Variants in CSMD1 observed in about 807,000 individuals in gnomAD.
The protein encoded by CSMD1 is CUB and Sushi multiple domains 1.
In CSMD1, 213 loss-of-function variants were observed where a neutral mutation model predicts 417.5. The observed-to-expected ratio is 0.51, with a 90% CI of 0.46 to 0.57. The LOEUF is 0.57. Among genes scored for constraint, CSMD1 ranks in the 20% least tolerant of loss-of-function variants. CSMD1 has a pLI of 0.00. For missense variants in CSMD1, 6,923 were observed against 4,529.7 expected (o/e 1.53, Z -15.17); for synonymous variants, 2,862 against 1,736.8 (o/e 1.65, Z -16.11).
intron 7 of CSMD1, among the ~76,000 whole-genome samples, chr8:3,636,341 C>A (rs1464190144): frequency 6.6e-6 from 1 of 152,150 alleles, no homozygotes; most frequent in Non-Finnish European, 1.5e-5. Flanking sequence ...CCACGCCTGG[C>A]TAATTTTTGG....
chr8:2,983,663 G>A (rs1483776327), intron 54 of CSMD1, among the ~76,000 whole-genome samples: 1 of 151,952 alleles, frequency 6.6e-6, no homozygotes, highest in Admixed American at 6.6e-5. Context: ...CCAAAGTAAA[G>A]CACTTCCCAG....
At chr8:3,767,333 C>A (rs144554772) in intron 5 of CSMD1, among the ~76,000 whole-genome samples, 1 of 152,230 alleles carries the variant, frequency 6.6e-6, no homozygotes, top group Non-Finnish European at 1.5e-5. Context: ...TGGAGTCATA[C>A]TGACCTGGGT....
intron 3 of CSMD1, among the ~76,000 whole-genome samples, chr8:4,326,822 G>A (rs1216039384): frequency 6.7e-6 from 1 of 148,320 alleles, no homozygotes; most frequent in Non-Finnish European, 1.5e-5. Context: ...TTGGCTTTGA[G>A]ATTCTTCTGA....
intron 2 of CSMD1, among the ~76,000 whole-genome samples, chr8:4,425,481 G>A (rs1357314738): frequency 6.6e-6 from 1 of 151,874 alleles, no homozygotes; most frequent in African/African-American, 2.4e-5. Flanking sequence ...CTAAATTTGT[G>A]ATTAAATGTT....
rs1298389031 is a variant in CSMD1, at chr8:3,359,213, G to C, written c.3243C>G (p.Thr1081=). 1.2e-6 allele frequency: 2 copies of C among 1,613,826 alleles called. No individual in the cohort carries two copies. The highest frequency in any genetic ancestry group is 2.2e-5 in the South Asian group (2 of 91,078). Residue 1081 remains threonine (T), a synonymous_variant, in exon 21 of 70, where the codon ACC becomes ACG. Transcript: ENST00000635120. ...CFLGYRLEGA[T]KLTCLGGGRR... ...GGCCCCCACCCAGGCAGGTAAGCTT[G>C]GTGGCACCTTCTAAACGATATCCCA...
At chr8:4,952,276 A>C (rs886888041) in intron 1 of CSMD1, among the ~76,000 whole-genome samples, 4 of 152,004 alleles carry the variant, frequency 2.6e-5, no homozygotes, top group African/African-American at 7.2e-5. Context: ...ATAGATAATA[A>C]AACGCAACAA....
chr8:4,751,085 G>A (rs1053854694), intron 1 of CSMD1, among the ~76,000 whole-genome samples: 6 of 152,030 alleles, frequency 3.9e-5, no homozygotes, highest in East Asian at 1.9e-4. Flanking sequence ...CATGTGCATC[G>A]TTAAAGAGAG....
intron 11 of CSMD1, 87 bp from the exon 12 acceptor site, chr8:3,468,911 C>A (rs886729718): frequency 2.6e-6 from 2 of 779,208 alleles, no homozygotes; most frequent in Non-Finnish European, 4.2e-6. Flanking sequence ...CTGCTTTAAA[C>A]AGCCAAACCC....
At chr8:4,180,787 G>C (rs1194848066) in intron 3 of CSMD1, among the ~76,000 whole-genome samples, 2 of 152,026 alleles carry the variant, frequency 1.3e-5, no homozygotes, top group African/African-American at 2.4e-5. Context: ...TCTAATATCT[G>C]TATGTCTTTG....
At chr8:4,067,908 C>G (rs1799336203) in intron 3 of CSMD1, among the ~76,000 whole-genome samples, 2 of 152,058 alleles carry the variant, frequency 1.3e-5, no homozygotes, top group Admixed American at 6.6e-5. Flanking sequence ...GAAACCCCAA[C>G]TCTACTAAAA....
chr8:4,190,523 A>G (rs953071619), intron 3 of CSMD1, among the ~76,000 whole-genome samples: 12 of 145,118 alleles, frequency 8.3e-5, no homozygotes, highest in Admixed American at 5.9e-4. Flanking sequence ...ACAAATTAAA[A>G]TTTTACATAC....
intron 26 of CSMD1, among the ~76,000 whole-genome samples, chr8:3,263,811 T>C (rs1054061171): frequency 2.6e-5 from 4 of 152,210 alleles, no homozygotes; most frequent in Non-Finnish European, 4.4e-5. Flanking sequence ...CACTAATAGT[T>C]TTGCTTTCAT....
chr8:3,750,772 G>A (rs1360779991), intron 6 of CSMD1, among the ~76,000 whole-genome samples: 2 of 152,122 alleles, frequency 1.3e-5, no homozygotes, highest in Admixed American at 6.5e-5. Context: ...CAGGGACTCT[G>A]AGAAGGGCCC....
chr8:3,394,427 T>C (rs868754330), intron 17 of CSMD1, among the ~76,000 whole-genome samples: 5 of 151,896 alleles, frequency 3.3e-5, no homozygotes, highest in African/African-American at 9.6e-5. Context: ...ACAAATGAAA[T>C]TAGTTTCTTC....
chr8:4,238,246 G>C (rs561141689), intron 3 of CSMD1, among the ~76,000 whole-genome samples: 1 of 152,154 alleles, frequency 6.6e-6, no homozygotes, highest in Non-Finnish European at 1.5e-5. Flanking sequence ...CTATGTGCCA[G>C]ACCCTGTGAT....
chr8:3,955,701 G>T (rs776598856), intron 5 of CSMD1, among the ~76,000 whole-genome samples: 1 of 151,960 alleles, frequency 6.6e-6, no homozygotes, highest in East Asian at 1.9e-4. Flanking sequence ...GGATGAATAC[G>T]TGGACACAAA....
At chr8:3,472,366 GGACCTCTAC>G (rs1817156885) in intron 11 of CSMD1, among the ~76,000 whole-genome samples, 1 of 151,886 alleles carries the variant, frequency 6.6e-6, no homozygotes, top group Admixed American at 6.6e-5. Context: ...CAATTCTTGG[GGACCTCTAC>G]TAATGATTTT....
intron 3 of CSMD1, among the ~76,000 whole-genome samples, chr8:4,327,955 G>C (rs934951926): frequency 6.6e-6 from 1 of 152,112 alleles, no homozygotes; most frequent in Admixed American, 6.5e-5. Context: ...CTGTGATCTA[G>C]AAGTTGAATG....
chr8:4,700,953 C>T (rs915989071), intron 1 of CSMD1, among the ~76,000 whole-genome samples: 5 of 152,190 alleles, frequency 3.3e-5, no homozygotes, highest in African/African-American at 1.2e-4. Context: ...AAGTAACCTT[C>T]GGTCTCCTGC....
Sources: gnomAD v4.1 joint callset for allele counts (sites outside exome capture counted in the v4.1 genomes callset) on GRCh38, gnomAD v4.1.1 for gene constraint, MANE v1.5 for transcripts, NCBI Gene and HGNC (gene_info 2026-07-23, HGNC 2026-07-21) for gene names.